The following WAC variants were observed in gnomAD, a reference collection of about 807,000 sequenced individuals.
WAC encodes WW domain containing adaptor with coiled-coil, also known as WW domain-containing adapter protein with coiled-coil.
A neutral mutation model predicts 79.6 loss-of-function variants in WAC; 11 were observed. That is an observed-to-expected ratio of 0.14 (90% CI 0.09 to 0.23). The LOEUF (loss-of-function observed/expected upper bound fraction) is 0.23, where lower values mean the gene tolerates loss of function less well. Ranked by LOEUF, WAC falls within the 10% of genes least tolerant of loss-of-function variation. The pLI, the probability that WAC is intolerant of heterozygous loss-of-function variation, is 1.00. For missense variants in WAC, 728 were observed against 773.5 expected (o/e 0.94, Z 0.70); for synonymous variants, 304 against 276.9 (o/e 1.10, Z -0.97).
intron 7 of WAC, among the ~76,000 whole-genome samples, chr10:28,607,527 GGTTGTTTTTAATATTAAAGT>G (rs1271014015): frequency 2.0e-5 from 3 of 152,164 alleles, no homozygotes; most frequent in East Asian, 1.9e-4. Flanking sequence ...CTATGAGGTG[GGTTGTTTTTAATATTAAAGT>G]GTCCTTTTTA....
intron 11 of WAC, chr10:28,615,014 T>A (rs913220430): frequency 1.2e-4 from 23 of 188,838 alleles, no homozygotes; most frequent in Admixed American, 2.9e-4. Flanking sequence ...CTTTTTAACC[T>A]CCTCATAGCA....
In WAC at chr10:28,533,539, C is replaced by T. The variant is rs1366203217; in HGVS notation, c.-41C>T. The T allele has an allele frequency of 7.6e-7, 1 of 1,319,040 alleles. No homozygotes were observed. Among genetic ancestry groups the T allele is most frequent in the Admixed American group, 2.3e-5 (1 of 44,066 alleles). 81.7% of individuals were successfully genotyped at this position (1,319,040 alleles called of 1,614,324 possible). ...CGCGCCCGCCCGCCTTTCGCGGCCGCTCTCCCCCCTCCCCGACACACACTC... is the reference window on the plus strand; with the variant it reads ...CGCGCCCGCCCGCCTTTCGCGGCCGTTCTCCCCCCTCCCCGACACACACTC... On this transcript the variant is annotated 5_prime_UTR_variant, in exon 1 of 14. Transcript: ENST00000354911.
At chr10:28,535,807 C>G (rs772878218) in intron 3 of WAC, 50 bp downstream of exon 3, 28 of 1,480,452 alleles carry the variant, frequency 1.9e-5, no homozygotes, top group East Asian at 9.4e-5. Context: ...AACAATAGCT[C>G]TATATAAAAG....
intron 12 of WAC, among the ~76,000 whole-genome samples, chr10:28,616,976 G>A (rs973422961): frequency 1.3e-5 from 2 of 152,022 alleles, no homozygotes; most frequent in African/African-American, 2.4e-5. Context: ...ACAGCTACTC[G>A]GGAGCCTGAG....
At chr10:28,533,724 C>T (rs920061463) in intron 1 of WAC, 104 bp downstream of exon 1, 13 of 1,380,146 alleles carry the variant, frequency 9.4e-6, no homozygotes, top group South Asian at 1.3e-5. Context: ...TTGTTGTTAA[C>T]CCTGATCCGG....
intron 3 of WAC, among the ~76,000 whole-genome samples, chr10:28,542,098 T>C (rs747401892): frequency 1.3e-5 from 2 of 152,238 alleles, no homozygotes; most frequent in Non-Finnish European, 2.9e-5. Context: ...ATACTGGCCC[T>C]GCAGGCAGAA....
At chr10:28,618,731 G>GTA (rs1471106757) in intron 13 of WAC, among the ~76,000 whole-genome samples, 2 of 152,192 alleles carry the variant, frequency 1.3e-5, no homozygotes, top group Non-Finnish European at 2.9e-5. Context: ...GGGAATCTGG[G>GTA]TAACTGGGGT....
chr10:28,590,854 T>C (rs1840046131), intron 6 of WAC, 22 bp downstream of exon 6: 1 of 1,555,254 alleles, frequency 6.4e-7, no homozygotes, highest in Non-Finnish European at 8.8e-7. Context: ...TTTTTTTTCT[T>C]TGAAATGTAT....
chr10:28,580,358 G>A (rs970759819), intron 3 of WAC, among the ~76,000 whole-genome samples: 3 of 152,212 alleles, frequency 2.0e-5, no homozygotes, highest in Non-Finnish European at 4.4e-5. Flanking sequence ...CACTAAAGCG[G>A]AGTGAATTTC....
At chr10:28,598,064 G>A (rs986898527) in intron 7 of WAC, among the ~76,000 whole-genome samples, 1 of 152,130 alleles carries the variant, frequency 6.6e-6, no homozygotes, top group African/African-American at 2.4e-5. Flanking sequence ...CACCGTACCT[G>A]GCCAGGTTCT....
intron 3 of WAC, among the ~76,000 whole-genome samples, chr10:28,561,796 T>TA (rs1344610204): frequency 1.3e-5 from 2 of 152,152 alleles, no homozygotes; most frequent in Non-Finnish European, 2.9e-5. Context: ...TAGATTCTCA[T>TA]AGGAGCATGA....
intron 3 of WAC, among the ~76,000 whole-genome samples, chr10:28,556,525 A>G (rs1223275243): frequency 1.4e-5 from 2 of 142,756 alleles, no homozygotes; most frequent in Non-Finnish European, 3.0e-5. Context: ...CGTTTTGTTG[A>G]TTTTTTTCTT....
rs1302000785 is a variant in WAC, at chr10:28,565,343, ATTCATATGGTAGGTTAGCTGCTT to A, written c.275-18055_275-18033del. On this transcript the variant is annotated intron_variant, in intron 3 of 13. Coordinates refer to ENST00000354911, the MANE Select transcript of WAC (RefSeq NM_016628.5). ...AAATTCCCAAGAGTGCAACTGCAAA[ATTCATATGGTAGGTTAGCTGCTT>A]AACATTTTTTACTTTTGTTTTAAAG... Among the ~76,000 whole-genome samples the A allele has an allele frequency of 3.3e-5, 5 of 152,162 alleles. 1 individual carries two copies. The South Asian group carries it at 8.3e-4, about 25-fold the overall frequency.
intron 3 of WAC, among the ~76,000 whole-genome samples, chr10:28,548,856 T>A (rs1319330634): frequency 6.6e-6 from 1 of 152,198 alleles, no homozygotes; most frequent in Non-Finnish European, 1.5e-5. Context: ...ATGTGGCTAG[T>A]GCAGCTAAGA....
intron 3 of WAC, among the ~76,000 whole-genome samples, chr10:28,559,615 A>T (rs1838197891): frequency 6.6e-6 from 1 of 152,216 alleles, no homozygotes; most frequent in African/African-American, 2.4e-5. Flanking sequence ...GTGGGCTGAT[A>T]CAAGGATGTT....
chr10:28,552,179 G>A (rs989566067), intron 3 of WAC, among the ~76,000 whole-genome samples: 78 of 152,052 alleles, frequency 5.1e-4, no homozygotes, highest in African/African-American at 1.9e-3. Flanking sequence ...TTACTTTTCA[G>A]TTTTTTTTCC....
intron 3 of WAC, among the ~76,000 whole-genome samples, chr10:28,560,837 A>G (rs1033342036): frequency 6.6e-6 from 1 of 152,130 alleles, no homozygotes; most frequent in African/African-American, 2.4e-5. Flanking sequence ...CAGTAGGCAG[A>G]TTTTCCTAAT....
chr10:28,591,009 T>G (rs1204525411), intron 6 of WAC, 177 bp downstream of exon 6: 22 of 591,882 alleles, frequency 3.7e-5, no homozygotes, highest in Non-Finnish European at 5.4e-5. Context: ...AGGGAAAAGA[T>G]ACACGGTCGA....
At position 28,535,912 on chromosome 10, in the gene WAC, A is replaced by G. The variant is rs1028025837; in HGVS notation, c.274+155A>G. On this transcript the variant is annotated intron_variant, in intron 3 of 13. Transcript: ENST00000354911. ...ATTTTTTTTTTACTCTGAACAAGTTACTGTAGAAACAAGATGCTGATGTGA... is the reference window on the plus strand; with the variant it reads ...ATTTTTTTTTTACTCTGAACAAGTTGCTGTAGAAACAAGATGCTGATGTGA... The G allele has an allele frequency of 4.4e-6, 3 of 676,432 alleles. No individual in the cohort carries two copies. In the African/African-American group the frequency reaches 5.6e-5, roughly 13 times the overall value. 41.9% of individuals were successfully genotyped at this position (676,432 alleles called of 1,614,324 possible). A position where few individuals can be genotyped will look rare whatever the true frequency, so the allele number is the denominator to read the frequency against.
Sources: allele counts gnomAD v4.1 joint callset (sites outside exome capture counted in the v4.1 genomes callset), GRCh38; gene constraint gnomAD v4.1.1; transcripts MANE v1.5; gene names NCBI Gene and HGNC (gene_info 2026-07-23, HGNC 2026-07-21).